CCSER1: variants seen among roughly 807,000 people sequenced by gnomAD.
CCSER1 encodes coiled-coil serine rich protein 1.
In CCSER1, 41 loss-of-function variants were observed where a neutral mutation model predicts 82.0. That is an observed-to-expected ratio of 0.50 (90% CI 0.39 to 0.65). The LOEUF is 0.65. Among genes scored for constraint, CCSER1 ranks in the 30% least tolerant of loss-of-function variants. The pLI, the probability that CCSER1 is intolerant of heterozygous loss-of-function variation, is 0.00. For synonymous variants in CCSER1, 414 were observed against 383.9 expected, an observed-to-expected ratio of 1.08 and a Z score of -0.92; for missense variants, 1,119 against 1,064.2, an observed-to-expected ratio of 1.05 and a Z score of -0.72.
intron 9 of CCSER1, among the ~76,000 whole-genome samples, chr4:90,948,391 C>G (rs1732511504): frequency 6.6e-6 from 1 of 151,726 alleles, no homozygotes; most frequent in African/African-American, 2.4e-5. Flanking sequence ...ATTATTGAAG[C>G]TGGAAGAGAA....
At chr4:91,445,194 C>G (rs932359037) in intron 10 of CCSER1, among the ~76,000 whole-genome samples, 1 of 152,024 alleles carries the variant, frequency 6.6e-6, no homozygotes, top group Non-Finnish European at 1.5e-5. Context: ...TCCTGTAGGG[C>G]TTTTCTTGCC....
chr4:90,817,992 T>A (rs1015534846), intron 8 of CCSER1, among the ~76,000 whole-genome samples: 1 of 152,184 alleles, frequency 6.6e-6, no homozygotes, highest in Non-Finnish European at 1.5e-5. Context: ...AGGTTCATAA[T>A]CTTTAATAAT....
At chr4:90,565,993 G>A (rs1438370519) in intron 5 of CCSER1, among the ~76,000 whole-genome samples, 1 of 150,990 alleles carries the variant, frequency 6.6e-6, no homozygotes, top group Admixed American at 6.6e-5. Flanking sequence ...TAGTAGCTGG[G>A]ACTACAGGCA....
chr4:91,409,999 C>T (rs1752933344), intron 10 of CCSER1, among the ~76,000 whole-genome samples: 1 of 152,158 alleles, frequency 6.6e-6, no homozygotes. Context: ...CAGTAAGTTC[C>T]TTAACTTTAA....
intron 10 of CCSER1, among the ~76,000 whole-genome samples, chr4:91,143,561 G>A (rs957484795): frequency 1.3e-4 from 20 of 151,936 alleles, no homozygotes; most frequent in African/African-American, 4.8e-4. Flanking sequence ...TATCCCAGGG[G>A]GAATGCCTCT....
intron 7 of CCSER1, among the ~76,000 whole-genome samples, chr4:90,791,914 A>G (rs889872269): frequency 2.6e-5 from 4 of 152,076 alleles, no homozygotes; most frequent in African/African-American, 4.8e-5. Context: ...TAAGTTTTAT[A>G]TGCACTGGGA....
intron 1 of CCSER1, among the ~76,000 whole-genome samples, chr4:90,227,863 A>T (rs949438658): frequency 6.6e-6 from 1 of 152,190 alleles, no homozygotes; most frequent in Non-Finnish European, 1.5e-5. Flanking sequence ...GGGGTGACAG[A>T]TGGCACCTGG....
intron 10 of CCSER1, among the ~76,000 whole-genome samples, chr4:91,333,576 A>G (rs575851619): frequency 2.0e-5 from 3 of 152,028 alleles, no homozygotes; most frequent in Non-Finnish European, 4.4e-5. Context: ...ACTTCTGTGG[A>G]CCATGGCTTT....
intron 10 of CCSER1, among the ~76,000 whole-genome samples, chr4:91,172,374 T>A (rs543403611): frequency 6.6e-6 from 1 of 152,286 alleles, no homozygotes; most frequent in East Asian, 1.9e-4. Context: ...GATGCATTGA[T>A]GGAAAGGCAT....
intron 8 of CCSER1, among the ~76,000 whole-genome samples, chr4:90,826,553 T>C (rs1760481731): frequency 1.3e-5 from 2 of 152,196 alleles, no homozygotes; most frequent in Non-Finnish European, 2.9e-5. Flanking sequence ...AGGTTTATTA[T>C]TGCCTTTACT....
intron 9 of CCSER1, among the ~76,000 whole-genome samples, chr4:90,979,311 T>G (rs946787342): frequency 1.3e-5 from 2 of 151,654 alleles, no homozygotes; most frequent in Admixed American, 1.3e-4. Flanking sequence ...GATGAATATC[T>G]TTGATATTGT....
intron 5 of CCSER1, among the ~76,000 whole-genome samples, chr4:90,568,769 T>C (rs1273310526): frequency 6.6e-6 from 1 of 150,820 alleles, no homozygotes; most frequent in Non-Finnish European, 1.5e-5. Flanking sequence ...CTTTTTTTTT[T>C]TTTTTTCCTT....
intron 1 of CCSER1, among the ~76,000 whole-genome samples, chr4:90,277,347 G>A (rs933410256): frequency 6.6e-6 from 1 of 152,042 alleles, no homozygotes; most frequent in Admixed American, 6.6e-5. Context: ...GCCTGAATAG[G>A]CAAAGCAATC....
At chr4:91,379,631 A>G (rs1445525590) in intron 10 of CCSER1, among the ~76,000 whole-genome samples, 1 of 151,606 alleles carries the variant, frequency 6.6e-6, no homozygotes, top group African/African-American at 2.4e-5. Context: ...CATCTACTTG[A>G]TTCTTCTCTC....
chr4:91,370,802 A>T (rs181519717), intron 10 of CCSER1, among the ~76,000 whole-genome samples: 4 of 152,228 alleles, frequency 2.6e-5, no homozygotes, highest in Admixed American at 6.5e-5. Flanking sequence ...TAATAATCAC[A>T]TAAGGTTAAA....
chr4:91,130,801 A>G (rs1561572036), intron 10 of CCSER1, among the ~76,000 whole-genome samples: 1 of 151,814 alleles, frequency 6.6e-6, no homozygotes, highest in Non-Finnish European at 1.5e-5. Flanking sequence ...ATAAAATGCA[A>G]TGTTAATAAT....
intron 3 of CCSER1, among the ~76,000 whole-genome samples, chr4:90,380,855 G>T (rs138381171): frequency 1.3e-5 from 2 of 152,312 alleles, no homozygotes; most frequent in Non-Finnish European, 2.9e-5. Context: ...TCAAGGTACT[G>T]TGTTTCTTCT....
At chr4:90,212,162 A>C (rs1037380845) in intron 1 of CCSER1, among the ~76,000 whole-genome samples, 2 of 152,198 alleles carry the variant, frequency 1.3e-5, no homozygotes, top group Non-Finnish European at 2.9e-5. Context: ...AAATTGCCAC[A>C]ATAAGATTCC....
At chr4:91,373,250 C>T (rs538952179) in intron 10 of CCSER1, among the ~76,000 whole-genome samples, 1 of 152,062 alleles carries the variant, frequency 6.6e-6, no homozygotes, top group Non-Finnish European at 1.5e-5. Flanking sequence ...ATTATAGGCA[C>T]ATCTCATGTT....
Sources: allele counts gnomAD v4.1 joint callset (sites outside exome capture counted in the v4.1 genomes callset), GRCh38; gene constraint gnomAD v4.1.1; transcripts MANE v1.5; gene names NCBI Gene and HGNC (gene_info 2026-07-23, HGNC 2026-07-21).